Variants in KPNB1 observed in about 807,000 individuals in gnomAD.
KPNB1 encodes importin subunit beta-1.
In KPNB1, 7 loss-of-function variants were observed where a neutral mutation model predicts 113.0. The observed-to-expected ratio is 0.06, with a 90% CI of 0.04 to 0.12. KPNB1 has a LOEUF of 0.12. Among genes scored for constraint, KPNB1 ranks in the 10% least tolerant of loss-of-function variants. The pLI is 1.00. For missense variants in KPNB1, 400 were observed against 1,054.8 expected, an observed-to-expected ratio of 0.38 and a Z score of 8.60; for synonymous variants, 363 against 378.6, an observed-to-expected ratio of 0.96 and a Z score of 0.48.
At position 47,650,554 on chromosome 17, in the gene KPNB1, GTCCCCCTCCCCCC is replaced by G. The variant is rs1390389767; in HGVS notation, c.99+124_99+136del. 103 of 661,478 alleles carry G rather than the reference GTCCCCCTCCCCCC, an allele frequency of 1.6e-4. 1 individual carries two copies. Among genetic ancestry groups the G allele is most frequent in the Non-Finnish European group, 2.2e-4 (92 of 423,854 alleles). The allele number at this position is 661,478 out of a possible 1,614,324, so 41.0% of individuals were successfully genotyped here. On this transcript the variant is annotated intron_variant, in intron 2 of 21. Coordinates refer to ENST00000290158, the MANE Select transcript of KPNB1 (RefSeq NM_002265.6). ...TCGGGAACCTACCCCGCCCCATCCC[GTCCCCCTCCCCCC>G]TCCCCCTCCCCCCCCAACCCGGTCC...
At chr17:47,665,962 C>G (rs1341001466) in intron 9 of KPNB1, among the ~76,000 whole-genome samples, 2 of 152,200 alleles carry the variant, frequency 1.3e-5, no homozygotes, top group South Asian at 2.1e-4. Context: ...ATAGCAGTTT[C>G]AAAAGCTAAG....
At chr17:47,655,507 G>T (rs569903266) in intron 3 of KPNB1, among the ~76,000 whole-genome samples, 1 of 152,316 alleles carries the variant, frequency 6.6e-6, no homozygotes, top group South Asian at 2.1e-4. Context: ...ATTTAGTGAT[G>T]TTGTTACTTG....
chr17:47,674,549 G>A (rs2030539851), intron 14 of KPNB1, 89 bp from the exon 15 acceptor site: 5 of 1,278,088 alleles, frequency 3.9e-6, no homozygotes, highest in Admixed American at 2.4e-5. Context: ...AAATATCAAG[G>A]GACTTAATTG....
chr17:47,675,358 G>GTTTTTTTTT lies in KPNB1; in HGVS notation c.1912+578_1912+579insTTTTTTTTT, dbSNP rs1555619221. On this transcript the variant is annotated intron_variant, in intron 15 of 21. Transcript: ENST00000290158. ...GTTTGCAACGGAGATTGGCAGAGGT[G>GTTTTTTTTT]TTGTTTTTTTTTTGTTTTTTTTTTT... is the stretch of plus-strand genomic sequence containing the variant. Among the ~76,000 whole-genome samples, 4 of 88,858 alleles carry GTTTTTTTTT rather than the reference G, an allele frequency of 4.5e-5. 1 individual carries two copies. The highest frequency in any genetic ancestry group is 1.3e-4 in the African/African-American group (3 of 23,310). The allele number at this position is 88,858 out of a possible 152,430, so 58.3% of individuals were successfully genotyped here.
At chr17:47,663,215 T>A in intron 7 of KPNB1, 37 bp downstream of exon 7, 1 of 1,048,222 alleles carries the variant, frequency 9.5e-7, no homozygotes, top group Middle Eastern at 2.0e-4. Flanking sequence ...AGCTTGTGGC[T>A]AATTACAGAG....
chr17:47,663,999 AG>A (rs2030189505), intron 7 of KPNB1, among the ~76,000 whole-genome samples, 159 bp from the exon 8 acceptor site: 1 of 151,736 alleles, frequency 6.6e-6, no homozygotes, highest in Non-Finnish European at 1.5e-5. Context: ...AAAAAAAAAA[AG>A]AAAAGAAAAT....
chr17:47,679,841 C>T (rs541825885), intron 19 of KPNB1, 179 bp from the exon 20 acceptor site: 55 of 464,030 alleles, frequency 1.2e-4, no homozygotes, highest in Non-Finnish European at 2.0e-4. Context: ...GGACTACAGG[C>T]GCCCGCCACC....
chr17:47,666,184 C>T lies in KPNB1; in HGVS notation c.999+1026C>T, dbSNP rs1026715452. ...TGTCCCACTCTAGCCTCCCCAGTAG[C>T]TGGAAGTACAGGTGCGCACCACCAC... On this transcript the variant is annotated intron_variant, in intron 9 of 21. Coordinates refer to ENST00000290158, the MANE Select transcript of KPNB1 (RefSeq NM_002265.6). Among the ~76,000 whole-genome samples the T allele has an allele frequency of 1.3e-4, 20 of 151,910 alleles. 1 individual carries two copies. Among genetic ancestry groups the T allele is most frequent in the Admixed American group, 7.2e-4 (11 of 15,232 alleles).
In KPNB1 at chr17:47,650,585, C is replaced by T. The variant is rs1232440845; in HGVS notation, c.99+141C>T. The T allele has an allele frequency of 1.1e-5, 8 of 755,362 alleles. No individual in the cohort carries two copies. In the South Asian group the frequency reaches 1.4e-4, roughly 13 times the overall value. 46.8% of individuals were successfully genotyped at this position (755,362 alleles called of 1,614,324 possible). A position where few individuals can be genotyped will look rare whatever the true frequency, so the allele number is the denominator to read the frequency against. On this transcript the variant is annotated intron_variant, in intron 2 of 21. Transcript: ENST00000290158. ...CTCCCCCCTCCCCCTCCCCCCCCAA[C>T]CCGGTCCAACCTAACCCCGCCATCG...
At chr17:47,659,665 GA>G (rs200647430) in intron 5 of KPNB1, among the ~76,000 whole-genome samples, 82 of 151,566 alleles carry the variant, frequency 5.4e-4, no homozygotes, top group Non-Finnish European at 9.4e-4. Flanking sequence ...GCTTATAATG[GA>G]AAAAAAATAA....
At chr17:47,668,132 A>C in intron 9 of KPNB1, 54 bp from the exon 10 acceptor site, 4 of 1,421,568 alleles carry the variant, frequency 2.8e-6, no homozygotes, top group Non-Finnish European at 4.0e-6. Flanking sequence ...GGACCTTTAG[A>C]GTTAAAATGA....
At chr17:47,681,492 T>G in intron 21 of KPNB1, among the ~76,000 whole-genome samples, 1 of 151,712 alleles carries the variant, frequency 6.6e-6, no homozygotes, top group East Asian at 1.9e-4. Flanking sequence ...CAGGCTGGTC[T>G]TGACCTCCTG....
Position 47,678,379 on chromosome 17 carries a change from C to T in KPNB1, c.2319C>T (p.Val773=). The T allele has an allele frequency of 6.2e-7, 1 of 1,614,028 alleles. No individual in the cohort carries two copies. Among genetic ancestry groups the T allele is most frequent in the Non-Finnish European group, 8.5e-7 (1 of 1,179,918 alleles). The change falls in exon 19 of 22, where the codon GTC becomes GTT. Residue 773 remains valine (V), a synonymous_variant. Coordinates refer to ENST00000290158, the MANE Select transcript of KPNB1 (RefSeq NM_002265.6). ...ESCLEAYTGI[V]QGLKGDQENV... ...GCTTGGAAGCCTATACTGGAATCGT[C>T]CAGGGATTAAAGGGGGATCAGGAGA...
At chr17:47,677,272 C>CA in intron 17 of KPNB1, 145 bp downstream of exon 17, 1 of 627,406 alleles carries the variant, frequency 1.6e-6, no homozygotes, top group Non-Finnish European at 2.8e-6. Flanking sequence ...AGTTCGAGAC[C>CA]AACCTGGACA....
chr17:47,673,264 G>A (rs1397600206), intron 13 of KPNB1, 99 bp downstream of exon 13: 1 of 1,198,616 alleles, frequency 8.3e-7, no homozygotes, highest in African/African-American at 1.5e-5. Context: ...TAGTGTTTAA[G>A]TATATATTTT....
chr17:47,668,833 C>A (rs2143142797), intron 10 of KPNB1, among the ~76,000 whole-genome samples: 1 of 152,032 alleles, frequency 6.6e-6, no homozygotes. Context: ...TTAATAATGG[C>A]ATTATTATTC....
rs2030867863 is a variant in KPNB1, at chr17:47,683,759, CACTA to C, written c.*1360_*1363del. On this transcript the variant is annotated 3_prime_UTR_variant, in exon 22 of 22. Coordinates refer to ENST00000290158, the MANE Select transcript of KPNB1 (RefSeq NM_002265.6). ...TGTGTGTTGTGTGAATACACACACACACTAACTAGAAGTCTTGTGATGAAAATGG... is the reference window on the plus strand; with the variant it reads ...TGTGTGTTGTGTGAATACACACACACACTAGAAGTCTTGTGATGAAAATGG... 1 of 152,296 alleles carries C rather than the reference CACTA, an allele frequency of 6.6e-6. No individual in the cohort carries two copies. The highest frequency in any genetic ancestry group is 1.5e-5 in the Non-Finnish European group (1 of 67,990). The allele number at this position is 152,296 out of a possible 1,614,324, so 9.4% of individuals were successfully genotyped here. A position where few individuals can be genotyped will look rare whatever the true frequency, so the allele number is the denominator to read the frequency against.
In KPNB1 at chr17:47,676,284, A is replaced by G. The variant is rs1042226550; in HGVS notation, c.1913-125A>G. On this transcript the variant is annotated intron_variant, in intron 15 of 21. Coordinates refer to ENST00000290158, the MANE Select transcript of KPNB1 (RefSeq NM_002265.6). The stretch of plus-strand genomic sequence containing the variant: ...TCTTCATGATGGAATCGGTAACTAA[A>G]GCACATTTCACCCAACCTGTTGAGT... 1.7e-5 allele frequency: 12 copies of G among 706,888 alleles called. No individual in the cohort carries two copies. In the Admixed American group the frequency reaches 2.9e-4, roughly 17 times the overall value. 43.8% of individuals were successfully genotyped at this position (706,888 alleles called of 1,614,324 possible). A position where few individuals can be genotyped will look rare whatever the true frequency, so the allele number is the denominator to read the frequency against.
Position 47,659,594 on chromosome 17 carries a change from A to G in KPNB1, c.636+934A>G, listed in dbSNP as rs1025481064. ...GTAACAAAACCCTGTCTCTAAAAAA[A>G]TTTCTGTGGAGAAGAACAACTGAGT... On this transcript the variant is annotated intron_variant, in intron 5 of 21. Coordinates refer to ENST00000290158, the MANE Select transcript of KPNB1 (RefSeq NM_002265.6). Among the ~76,000 whole-genome samples, 5 of 152,288 alleles carry G rather than the reference A, an allele frequency of 3.3e-5. No individual in the cohort carries two copies. In the East Asian group the frequency reaches 9.6e-4, roughly 29 times the overall value.
Sources: allele counts gnomAD v4.1 joint callset (sites outside exome capture counted in the v4.1 genomes callset), GRCh38; gene constraint gnomAD v4.1.1; transcripts MANE v1.5; gene names NCBI Gene and HGNC (gene_info 2026-07-23, HGNC 2026-07-21).